The following COL27A1 variants were observed in gnomAD, a reference collection of about 807,000 sequenced individuals.
COL27A1 encodes collagen alpha-1(XXVII) chain.
A neutral mutation model predicts 251.3 loss-of-function variants in COL27A1; 106 were observed. The observed-to-expected ratio is 0.42, with a 90% CI of 0.36 to 0.50. The LOEUF (loss-of-function observed/expected upper bound fraction) is 0.50. Ranked by LOEUF, COL27A1 falls within the 20% of genes least tolerant of loss-of-function variation. The pLI, the probability that COL27A1 is intolerant of heterozygous loss-of-function variation, is 0.00. For missense variants in COL27A1, 2,325 were observed against 2,522.8 expected (o/e 0.92, Z 1.68); for synonymous variants, 1,000 against 986.3 (o/e 1.01, Z -0.26).
Position 114,240,550 on chromosome 9 carries a change from G to T in COL27A1, c.2835+63G>T, listed in dbSNP as rs186491163. The T allele has an allele frequency of 4.3e-4, 640 of 1,500,750 alleles. 6 individuals are homozygous for T. The East Asian group carries it at 0.013, about 31-fold the overall frequency. 93.0% of individuals were successfully genotyped at this position (1,500,750 alleles called of 1,614,324 possible). On this transcript the variant is annotated intron_variant, in intron 21 of 60. Transcript: ENST00000356083. Reference sequence around the variant, plus strand: ...CTGATTGCAGCCCCCAGCCTGCCCTGTCCTGGGTACTGAAGGCCTTAGCTT... The same window carrying T: ...CTGATTGCAGCCCCCAGCCTGCCCTTTCCTGGGTACTGAAGGCCTTAGCTT...
At chr9:114,182,963 G>C in intron 4 of COL27A1, 59 bp from the exon 5 acceptor site, 1 of 1,458,242 alleles carries the variant, frequency 6.9e-7, no homozygotes, top group Non-Finnish European at 9.6e-7. Context: ...TGCTGTCAGA[G>C]GCGAGATGGC....
At position 114,168,213 on chromosome 9, in the gene COL27A1, C is replaced by T. The variant is rs1564418366; in HGVS notation, c.658C>T (p.Pro220Ser). The T allele has an allele frequency of 1.2e-6, 2 of 1,613,906 alleles. No homozygotes were observed. The highest frequency in any genetic ancestry group is 1.7e-6 in the Non-Finnish European group (2 of 1,180,030). The stretch of plus-strand genomic sequence containing the variant: ...TGCTCTCTGCCAGTTCAGTATCTAC[C>T]CTGTGACGCAGGTCGCTCACAATTA... The part of the protein sequence containing the change: ...EGALCQFSIY[P>S]VTQVAHNYCT... The change falls in exon 3 of 61, where the codon CCT becomes TCT. Residue 220 changes from proline to serine, a missense_variant. Around this residue, in one of 4 missense-constraint regions of COL27A1, gnomAD observed 1,183 missense variants for 1,144.1 expected, o/e 1.03. Coordinates refer to ENST00000356083, the MANE Select transcript of COL27A1 (RefSeq NM_032888.4).
At chr9:114,208,831 C>T (rs945354278) in intron 10 of COL27A1, among the ~76,000 whole-genome samples, 14 of 151,820 alleles carry the variant, frequency 9.2e-5, no homozygotes, top group African/African-American at 1.9e-4. Flanking sequence ...CCAAGGAGAG[C>T]GCTTATGAGA....
rs1444229650 is a variant in COL27A1 at position 114,231,792 on chromosome 9, T to C, written c.2521-30T>C. On this transcript the variant is annotated intron_variant, in intron 15 of 60. Transcript: ENST00000356083. ...CTGACTTCTGTGGCCTAGAGTCCCA[T>C]CACAGCTGGCCTTGGGCTTTGTCTT... 4 of 1,613,694 alleles carry C rather than the reference T, an allele frequency of 2.5e-6. No homozygotes were observed. In the African/African-American group the frequency reaches 5.3e-5, roughly 22 times the overall value.
chr9:114,157,683 C>T (rs954915134), intron 1 of COL27A1, among the ~76,000 whole-genome samples: 1 of 152,240 alleles, frequency 6.6e-6, no homozygotes, highest in African/African-American at 2.4e-5. Flanking sequence ...TGGTAGGGGA[C>T]AGCAGTGAGA....
rs1183993272 is a variant in COL27A1, at chr9:114,304,557, G to A, written c.4873-51G>A. ...GCCCTGGGGCTCCCACTTGATGGGT[G>A]TGGAGAACCCTGGGGGGCCACGATA... On this transcript the variant is annotated intron_variant, in intron 56 of 60. Transcript: ENST00000356083. The A allele has an allele frequency of 1.3e-6, 2 of 1,572,978 alleles. 1 individual carries two copies. The highest frequency in any genetic ancestry group is 2.2e-5 in the South Asian group (2 of 90,282).
chr9:114,299,643 G>C (rs1185552096), intron 49 of COL27A1, among the ~76,000 whole-genome samples: 1 of 152,242 alleles, frequency 6.6e-6, no homozygotes, highest in Non-Finnish European at 1.5e-5. Context: ...GAGCATGGAA[G>C]TGTGGCGGTC....
intron 10 of COL27A1, chr9:114,209,298 C>T (rs191172015): frequency 6.8e-6 from 3 of 440,564 alleles, no homozygotes; most frequent in South Asian, 3.7e-5. Context: ...GCAGGAGCCA[C>T]GGGCACCTAC....
chr9:114,223,609 C>T (rs890055590), intron 14 of COL27A1, among the ~76,000 whole-genome samples: 2 of 152,176 alleles, frequency 1.3e-5, no homozygotes, highest in East Asian at 1.9e-4. Flanking sequence ...TGTATCCACT[C>T]TTATTAGAAC....
chr9:114,281,244 C>A (rs1268496368), intron 37 of COL27A1, among the ~76,000 whole-genome samples: 1 of 152,228 alleles, frequency 6.6e-6, no homozygotes, highest in Non-Finnish European at 1.5e-5. Flanking sequence ...ACGCTGCCTG[C>A]CCCACTCCCT....
chr9:114,296,439 G>A (rs571499549), intron 49 of COL27A1, among the ~76,000 whole-genome samples: 100 of 152,282 alleles, frequency 6.6e-4, no homozygotes, highest in African/African-American at 2.3e-3. Flanking sequence ...TAGCAAATAA[G>A]CACATGAGAA....
chr9:114,240,118 G>A, intron 19 of COL27A1, 102 bp from the exon 20 acceptor site: 1 of 1,044,402 alleles, frequency 9.6e-7, no homozygotes, highest in Non-Finnish European at 1.5e-6. Context: ...TCCCATCCCA[G>A]CAGGATGAGA....
At chr9:114,165,063 G>A (rs546801835) in intron 2 of COL27A1, among the ~76,000 whole-genome samples, 29 of 152,180 alleles carry the variant, frequency 1.9e-4, no homozygotes, top group Non-Finnish European at 3.7e-4. Context: ...TCAATGTGGG[G>A]CTTGGGTGAA....
At chr9:114,221,613 C>T (rs959616758) in intron 13 of COL27A1, among the ~76,000 whole-genome samples, 14 of 152,168 alleles carry the variant, frequency 9.2e-5, no homozygotes, top group Admixed American at 5.9e-4. Flanking sequence ...ATGTTTAAGA[C>T]GAGAAAACTG....
rs776737704 is a variant in COL27A1 at position 114,252,544 on chromosome 9, A to T, written c.3034-49A>T. 7 of 1,568,186 alleles carry T rather than the reference A, an allele frequency of 4.5e-6. No homozygotes were observed. The South Asian group carries it at 7.8e-5, about 17-fold the overall frequency. On this transcript the variant is annotated intron_variant, in intron 25 of 60. Coordinates refer to ENST00000356083, the MANE Select transcript of COL27A1 (RefSeq NM_032888.4). ...CTCTGCACCTGCCTCCCACAGAGCC[A>T]CCCCACAGCCATAGCCGTGACCTGC... is the stretch of plus-strand genomic sequence containing the variant.
chr9:114,229,405 C>T (rs1379276250), intron 14 of COL27A1, among the ~76,000 whole-genome samples: 1 of 152,204 alleles, frequency 6.6e-6, no homozygotes, highest in Non-Finnish European at 1.5e-5. Flanking sequence ...GCCCTTCCTC[C>T]AGGAGCCAGG....
intron 14 of COL27A1, among the ~76,000 whole-genome samples, chr9:114,227,989 C>T (rs1454000083): frequency 3.3e-5 from 5 of 152,244 alleles, no homozygotes; most frequent in Non-Finnish European, 7.4e-5. Context: ...GGGACCTGTC[C>T]TATGCGAGCT....
intron 19 of COL27A1, among the ~76,000 whole-genome samples, chr9:114,239,143 C>A (rs1832590160): frequency 1.3e-5 from 2 of 152,246 alleles, no homozygotes; most frequent in Non-Finnish European, 2.9e-5. Flanking sequence ...GCTTCTTTCC[C>A]TGAGACCATG....
At chr9:114,302,728 A>AC (rs796565142) in intron 56 of COL27A1, among the ~76,000 whole-genome samples, 41 of 26,778 alleles carry the variant, frequency 1.5e-3, no homozygotes, top group South Asian at 0.011. Context: ...AAAAAAAACA[A>AC]AAAAAAAAAA....
Sources: gnomAD v4.1 joint callset for allele counts (sites outside exome capture counted in the v4.1 genomes callset) on GRCh38, gnomAD v4.1.1 for gene constraint, gnomAD v4.1.1 regional missense constraint, MANE v1.5 for transcripts, NCBI Gene and HGNC (gene_info 2026-07-23, HGNC 2026-07-21) for gene names.